PTH2R: variants seen among roughly 807,000 people sequenced by gnomAD.
PTH2R encodes the protein PTH2 receptor.
PTH2R carries 59 observed loss-of-function variants against 60.3 expected under a neutral mutation model. That is an observed-to-expected ratio of 0.98 (90% CI 0.79 to 1.22). The LOEUF is 1.22. Ranked by LOEUF, PTH2R falls within the 50% of genes most tolerant of loss-of-function variation. PTH2R has a pLI of 0.00. For synonymous variants in PTH2R, 256 were observed against 243.8 expected, an observed-to-expected ratio of 1.05 and a Z score of -0.47; for missense variants, 749 against 682.6, an observed-to-expected ratio of 1.10 and a Z score of -1.08.
At chr2:208,484,450 A>G (rs1284378991) in intron 10 of PTH2R, among the ~76,000 whole-genome samples, 2 of 152,232 alleles carry the variant, frequency 1.3e-5, no homozygotes, top group Admixed American at 6.5e-5. Context: ...GTATAACTAC[A>G]GTTTACAATC....
intron 9 of PTH2R, among the ~76,000 whole-genome samples, chr2:208,461,632 A>G (rs1489201344): frequency 6.6e-6 from 1 of 152,188 alleles, no homozygotes; most frequent in African/African-American, 2.4e-5. Flanking sequence ...TTTGATGAAA[A>G]GGAAGGACCT....
chr2:208,463,439 T>C (rs906481253), intron 9 of PTH2R, among the ~76,000 whole-genome samples: 1 of 152,158 alleles, frequency 6.6e-6, no homozygotes, highest in African/African-American at 2.4e-5. Context: ...ACTGCCTTCG[T>C]TAGCATCCCA....
chr2:208,473,048 A>T (rs1679569119), intron 9 of PTH2R, among the ~76,000 whole-genome samples: 1 of 152,238 alleles, frequency 6.6e-6, no homozygotes. Context: ...CTGGTGCATG[A>T]GAGGACTTAG....
intron 9 of PTH2R, among the ~76,000 whole-genome samples, chr2:208,472,607 T>C (rs1190545210): frequency 1.3e-5 from 2 of 152,216 alleles, no homozygotes; most frequent in Non-Finnish European, 2.9e-5. Context: ...TACCTTCTGT[T>C]ATGATTGTGA....
chr2:208,385,603 C>G (rs717575), intron 1 of PTH2R, among the ~76,000 whole-genome samples: 7 of 152,290 alleles, frequency 4.6e-5, no homozygotes, highest in Non-Finnish European at 8.8e-5. Context: ...GAAAATGCTG[C>G]AATTCTATCC....
At position 208,422,977 on chromosome 2, in the gene PTH2R, CT is replaced by C. The variant is rs59061456; in HGVS notation, c.76-5216del. ...CTATAGTTTAATTTGTGTATTCTTC[CT>C]TTTTTTTCTTGGTTGGCTTTCTAGA... On this transcript the variant is annotated intron_variant, in intron 1 of 12. Transcript: ENST00000272847. 5.5e-3 allele frequency among the ~76,000 whole-genome samples: 840 copies of C among 151,946 alleles called. 6 individuals carry two copies. Among genetic ancestry groups the C allele is most frequent in the African/African-American group, 0.019 (782 of 41,448 alleles).
At chr2:208,477,061 A>G (rs1056029663) in intron 9 of PTH2R, among the ~76,000 whole-genome samples, 1 of 152,182 alleles carries the variant, frequency 6.6e-6, no homozygotes, top group Admixed American at 6.5e-5. Flanking sequence ...ACCTCAGTAT[A>G]AGTAGTGTTT....
At chr2:208,360,142 C>T (rs1214203807) in exon 1 of PTH2R, 1 of 431,236 alleles carries the variant, frequency 2.3e-6, no homozygotes, top group Non-Finnish European at 4.6e-6. Context: ...TGCTTCGAAG[C>T]AGTTTGTCAC....
At chr2:208,424,316 G>C (rs1701814541) in intron 1 of PTH2R, among the ~76,000 whole-genome samples, 1 of 152,204 alleles carries the variant, frequency 6.6e-6, no homozygotes. Flanking sequence ...GGTTGGGTTT[G>C]TGAGACAGCA....
intron 1 of PTH2R, among the ~76,000 whole-genome samples, chr2:208,391,197 C>G (rs1382967038): frequency 6.6e-6 from 1 of 152,120 alleles, no homozygotes; most frequent in African/African-American, 2.4e-5. Context: ...GGAAGTGAGC[C>G]AGAGAAGTTA....
chr2:208,468,487 C>G (rs1281733624), intron 9 of PTH2R, among the ~76,000 whole-genome samples: 1 of 152,192 alleles, frequency 6.6e-6, no homozygotes, highest in Non-Finnish European at 1.5e-5. Context: ...CTCTGATAAT[C>G]CAGCAAAGAT....
intron 8 of PTH2R, among the ~76,000 whole-genome samples, chr2:208,453,114 A>G (rs1449063517): frequency 6.6e-6 from 1 of 152,198 alleles, no homozygotes. Context: ...TATCTTCACT[A>G]TGTCTAGCCT....
chr2:208,437,948 A>G (rs1702109104), intron 4 of PTH2R, 67 bp downstream of exon 4: 2 of 1,557,286 alleles, frequency 1.3e-6, no homozygotes, highest in Non-Finnish European at 8.8e-7. Flanking sequence ...GCAATTCTCA[A>G]TTGCCAGCCA....
chr2:208,407,091 C>G lies in PTH2R; in HGVS notation c.48C>G (p.Leu16=), dbSNP rs564151340. ...ASLHVWGWLM[L]GSCLLARAQL... ...TCCACGTCTGGGGTTGGCTAATGCT[C>G]GGCAGCTGCCTCCTGGCCAGAGCCC... The change falls in exon 1 of 13, where the codon CTC becomes CTG. Residue 16 remains leucine, a synonymous_variant. Coordinates refer to ENST00000272847, the MANE Select transcript of PTH2R (RefSeq NM_005048.4). The G allele has an allele frequency of 1.4e-6, 2 of 1,394,620 alleles. No homozygotes were observed. Among genetic ancestry groups the G allele is most frequent in the East Asian group, 2.8e-5 (1 of 36,032 alleles). The allele number at this position is 1,394,620 out of a possible 1,614,324, so 86.4% of individuals were successfully genotyped here.
upstream of PTH2R, among the ~76,000 whole-genome samples, chr2:208,403,903 A>G (rs1276062004): frequency 6.6e-6 from 1 of 152,186 alleles, no homozygotes; most frequent in Non-Finnish European, 1.5e-5. Flanking sequence ...ATGGTGGCTA[A>G]ATTCCAAGAC....
chr2:208,473,971 A>G (rs1032995756), intron 9 of PTH2R, among the ~76,000 whole-genome samples: 1 of 152,094 alleles, frequency 6.6e-6, no homozygotes, highest in Admixed American at 6.6e-5. Flanking sequence ...TACTAACTTT[A>G]CTAGTCTACA....
At chr2:208,382,653 CAT>C (rs1452058218) in intron 1 of PTH2R, among the ~76,000 whole-genome samples, 1 of 152,178 alleles carries the variant, frequency 6.6e-6, no homozygotes, top group African/African-American at 2.4e-5. Flanking sequence ...TTGGTAGATT[CAT>C]CTGTTTTTGG....
chr2:208,426,447 G>A (rs1056532263), intron 1 of PTH2R, among the ~76,000 whole-genome samples: 1 of 152,082 alleles, frequency 6.6e-6, no homozygotes, highest in African/African-American at 2.4e-5. Context: ...TACAACAAAG[G>A]AATAAAAAGA....
upstream of PTH2R, among the ~76,000 whole-genome samples, chr2:208,405,789 C>T (rs777862224): frequency 6.6e-6 from 1 of 152,114 alleles, no homozygotes; most frequent in Non-Finnish European, 1.5e-5. Context: ...GTGATTTGGT[C>T]ATGAGGGCTC....
Sources: gnomAD v4.1 joint callset for allele counts (sites outside exome capture counted in the v4.1 genomes callset) on GRCh38, gnomAD v4.1.1 for gene constraint, MANE v1.5 for transcripts, NCBI Gene and HGNC (gene_info 2026-07-23, HGNC 2026-07-21) for gene names.